The following COG2 variants were observed in gnomAD, a reference collection of about 807,000 sequenced individuals.
The protein encoded by COG2 is conserved oligomeric Golgi complex subunit 2.
COG2 carries 52 observed loss-of-function variants against 90.6 expected under a neutral mutation model. The observed-to-expected ratio is 0.57, with a 90% CI of 0.46 to 0.72. The LOEUF is 0.72. Ranked by LOEUF, COG2 falls within the 30% of genes least tolerant of loss-of-function variation. The pLI is 0.00. For synonymous variants in COG2, 337 were observed against 320.4 expected (o/e 1.05, Z -0.55); for missense variants, 829 against 891.2 (o/e 0.93, Z 0.89).
chr1:230,649,896 C>G (rs2102742130), intron 1 of COG2, among the ~76,000 whole-genome samples: 1 of 152,266 alleles, frequency 6.6e-6, no homozygotes, highest in African/African-American at 2.4e-5. Context: ...TTTCAAGTCC[C>G]CAGTGTCTAT....
chr1:230,689,495 C>T (rs1294619838), intron 15 of COG2, among the ~76,000 whole-genome samples: 3 of 152,198 alleles, frequency 2.0e-5, no homozygotes, highest in Non-Finnish European at 4.4e-5. Flanking sequence ...CTAGTATTGT[C>T]ATTTGCAGAT....
In COG2 at chr1:230,691,399, G is replaced by C. The variant is rs920552587; in HGVS notation, c.1950G>C (p.Val650=). 6.2e-7 allele frequency: 1 copy of C among 1,613,356 alleles called. No homozygotes were observed. The highest frequency in any genetic ancestry group is 1.3e-5 in the African/African-American group (1 of 74,940). Reference sequence around the variant, plus strand: ...TCTATTCAAGGTACTATGAAACCGTGTCAGATGTATTAAACTCTGTGAAGA... The same window carrying C: ...TCTATTCAAGGTACTATGAAACCGTCTCAGATGTATTAAACTCTGTGAAGA... ...SESTHKYYET[V]SDVLNSVKKM... Residue 650 remains valine (V), a synonymous_variant, in exon 17 of 18, where the codon GTG becomes GTC. Coordinates refer to ENST00000366669, the MANE Select transcript of COG2 (RefSeq NM_007357.3).
At chr1:230,678,871 T>TA in intron 9 of COG2, 42 bp from the exon 10 acceptor site, 1 of 1,597,966 alleles carries the variant, frequency 6.3e-7, no homozygotes, top group South Asian at 1.1e-5. Flanking sequence ...CTGTTCTAGT[T>TA]AGTGTTCTAA....
intron 1 of COG2, among the ~76,000 whole-genome samples, chr1:230,649,696 A>G (rs1355091823): frequency 1.3e-5 from 2 of 151,864 alleles, no homozygotes; most frequent in Non-Finnish European, 2.9e-5. Context: ...TGGGTATCTC[A>G]TTGTGGTTTT....
intron 9 of COG2, chr1:230,678,187 C>T: frequency 2.0e-6 from 2 of 985,406 alleles, no homozygotes; most frequent in Non-Finnish European, 2.4e-6. Flanking sequence ...AAGCAACATG[C>T]AGCCGCAGTT....
chr1:230,642,529 GCGGCCGC>G lies in COG2; in HGVS notation c.-75_-69del. On this transcript the variant is annotated 5_prime_UTR_variant, in exon 1 of 18. The change abolishes the stop of an existing upstream ORF in the 5' untranslated region. Transcript: ENST00000366669. The stretch of plus-strand genomic sequence containing the variant: ...TGTGCCGTGGAAACTGGCGGTGGCC[GCGGCCGC>G]CGAGTCGGTCTGCGCAGCCTCCTGC... 6.9e-7 allele frequency: 1 copy of G among 1,448,110 alleles called. No homozygotes were observed. Among genetic ancestry groups the G allele is most frequent in the Non-Finnish European group, 9.5e-7 (1 of 1,056,002 alleles). The allele number at this position is 1,448,110 out of a possible 1,614,324, so 89.7% of individuals were successfully genotyped here.
intron 1 of COG2, among the ~76,000 whole-genome samples, chr1:230,655,567 G>A (rs959000085): frequency 5.3e-5 from 8 of 151,962 alleles, no homozygotes; most frequent in African/African-American, 2.4e-5. Flanking sequence ...TTCTTTTTTT[G>A]TTGTGTCTTT....
rs1188248771 is a variant in COG2, at chr1:230,688,016, TC to T, written c.1579-54del. 2.4e-6 allele frequency: 3 copies of T among 1,246,810 alleles called. No individual in the cohort carries two copies. The East Asian group carries it at 7.4e-5, about 31-fold the overall frequency. 77.2% of individuals were successfully genotyped at this position (1,246,810 alleles called of 1,614,324 possible). A position where few individuals can be genotyped will look rare whatever the true frequency, so the allele number is the denominator to read the frequency against. ...GTTTGTAGATGCAAATAGAATTGCC[TC>T]TTCCTTTGATTTATAAAAAGTAACT... On this transcript the variant is annotated intron_variant, in intron 13 of 17. Coordinates refer to ENST00000366669, the MANE Select transcript of COG2 (RefSeq NM_007357.3).
At chr1:230,679,363 A>AGGAGTTATAC (rs1457701885) in intron 10 of COG2, 1 of 217,110 alleles carries the variant, frequency 4.6e-6, no homozygotes, top group Admixed American at 5.5e-5. Context: ...AAGAGAAAGT[A>AGGAGTTATAC]GGAGTTATAC....
At chr1:230,668,079 A>G (rs181590140) in intron 5 of COG2, among the ~76,000 whole-genome samples, 1 of 152,318 alleles carries the variant, frequency 6.6e-6, no homozygotes, top group Admixed American at 6.5e-5. Context: ...AAAATAAGAT[A>G]TTTTGAGATA....
chr1:230,645,674 C>T (rs1337326873), intron 1 of COG2, among the ~76,000 whole-genome samples: 1 of 152,180 alleles, frequency 6.6e-6, no homozygotes, highest in African/African-American at 2.4e-5. Flanking sequence ...CATTGTAATA[C>T]ATAATGAAAT....
At position 230,678,928 on chromosome 1, in the gene COG2, A is replaced by G. The variant is rs1356153361; in HGVS notation, c.1042A>G (p.Met348Val). 6.2e-7 allele frequency: 1 copy of G among 1,612,464 alleles called. No homozygotes were observed. ...DAFHEKYTIS[M>V]DFVRRLERQC... ...TTTATTTTAGAAATATACCATAAGT[A>G]TGGATTTTGTCAGAAGATTGGAACG... Residue 348 changes from methionine to valine, a missense_variant, in exon 10 of 18, where the codon ATG (methionine) becomes GTG (valine). Transcript: ENST00000366669.
At position 230,642,525 on chromosome 1, in the gene COG2, G is replaced by A; in HGVS notation, c.-82G>A. On this transcript the variant is annotated 5_prime_UTR_variant, in exon 1 of 18. Transcript: ENST00000366669. ...CCCCTGTGCCGTGGAAACTGGCGGT[G>A]GCCGCGGCCGCCGAGTCGGTCTGCG... 7.1e-7 allele frequency: 1 copy of A among 1,414,122 alleles called. No homozygotes were observed. Among genetic ancestry groups the A allele is most frequent in the Non-Finnish European group, 9.7e-7 (1 of 1,025,652 alleles). The allele number at this position is 1,414,122 out of a possible 1,614,324, so 87.6% of individuals were successfully genotyped here. A position where few individuals can be genotyped will look rare whatever the true frequency, so the allele number is the denominator to read the frequency against.
chr1:230,643,288 A>G (rs1291518501), intron 1 of COG2, among the ~76,000 whole-genome samples: 2 of 152,240 alleles, frequency 1.3e-5, no homozygotes, highest in African/African-American at 4.8e-5. Flanking sequence ...AACTTAGAGA[A>G]AAGAAATATA....
In COG2 at chr1:230,652,650, TAC is replaced by T. The variant is rs138031056; in HGVS notation, c.73-6813_73-6812del. 6.1e-3 allele frequency among the ~76,000 whole-genome samples: 930 copies of T among 152,336 alleles called. 9 individuals carry two copies. The highest frequency in any genetic ancestry group is 0.022 in the African/African-American group (894 of 41,568). ...CAAAGTGACTTCCATTTTGCATTCT[TAC>T]CAGGAATGAATGAGAGTTCCTACTG... On this transcript the variant is annotated intron_variant, in intron 1 of 17. Transcript: ENST00000366669.
Position 230,693,460 on chromosome 1 carries a change from G to A in COG2, c.*67G>A. 1.0e-6 allele frequency: 1 copy of A among 992,156 alleles called. No homozygotes were observed. Among genetic ancestry groups the A allele is most frequent in the Non-Finnish European group, 1.6e-6 (1 of 641,620 alleles). 61.5% of individuals were successfully genotyped at this position (992,156 alleles called of 1,614,324 possible). ...AGAGTTGGACTTCCAGGCTGAAGGGGAGAAAGTGACTCTGTTCTCTTAGCA... is the reference window on the plus strand; with the variant it reads ...AGAGTTGGACTTCCAGGCTGAAGGGAAGAAAGTGACTCTGTTCTCTTAGCA... On this transcript the variant is annotated 3_prime_UTR_variant, in exon 18 of 18. Coordinates refer to ENST00000366669, the MANE Select transcript of COG2 (RefSeq NM_007357.3).
intron 8 of COG2, among the ~76,000 whole-genome samples, chr1:230,673,730 A>T (rs1445901720): frequency 1.3e-5 from 2 of 152,148 alleles, no homozygotes; most frequent in African/African-American, 4.8e-5. Context: ...GGAGGCAGTC[A>T]TCTTCTTTCC....
rs747920088 is a variant in COG2, at chr1:230,691,406, G to A, written c.1957G>A (p.Val653Ile). The A allele has an allele frequency of 1.3e-4, 205 of 1,613,732 alleles. 1 individual carries two copies. The Admixed American group carries it at 3.2e-3, about 25-fold the overall frequency. Residue 653 changes from valine to isoleucine, a missense_variant, in exon 17 of 18, where the codon GTA becomes ATA. Val to Ile is a conservative substitution (Grantham distance 29, BLOSUM62 3). Transcript: ENST00000366669. ...THKYYETVSD[V>I]LNSVKKMEES... ...AAGGTACTATGAAACCGTGTCAGAT[G>A]TATTAAACTCTGTGAAGAAGATGGA...
At chr1:230,662,410 A>G (rs1342026131) in intron 3 of COG2, among the ~76,000 whole-genome samples, 3 of 152,196 alleles carry the variant, frequency 2.0e-5, no homozygotes, top group Non-Finnish European at 2.9e-5. Context: ...TCATTTTTCT[A>G]TAGAATTTTT....
Sources: allele counts gnomAD v4.1 joint callset (sites outside exome capture counted in the v4.1 genomes callset), GRCh38; gene constraint gnomAD v4.1.1; transcripts MANE v1.5; gene names NCBI Gene and HGNC (gene_info 2026-07-23, HGNC 2026-07-21).